CADPS2: variants seen among roughly 807,000 people sequenced by gnomAD.
CADPS2 encodes calcium dependent secretion activator 2.
A neutral mutation model predicts 172.5 loss-of-function variants in CADPS2; 93 were observed. The ratio of observed to expected loss-of-function variants is 0.54; its 90% CI spans 0.46 to 0.64. CADPS2 has a LOEUF of 0.64. Ranked by LOEUF, CADPS2 falls within the 30% of genes least tolerant of loss-of-function variation. The pLI is 0.00. For synonymous variants in CADPS2, 546 were observed against 555.2 expected, an observed-to-expected ratio of 0.98 and a Z score of 0.23; for missense variants, 1,420 against 1,565.9, an observed-to-expected ratio of 0.91 and a Z score of 1.57.
chr7:122,422,772 T>C lies in CADPS2; in HGVS notation c.2477-6608A>G, dbSNP rs534852143. On this transcript the variant is annotated intron_variant, in intron 17 of 29. Coordinates refer to ENST00000449022, the MANE Select transcript of CADPS2 (RefSeq NM_017954.11). ...GAGTTCGAGGCCAGCCTGGCCAACA[T>C]GGTGAAACCCCGTCTCTATTAAAAA... Among the ~76,000 whole-genome samples the C allele has an allele frequency of 4.4e-4, 64 of 146,728 alleles. 1 individual carries two copies. In the Admixed American group the frequency reaches 4.4e-3, roughly 10 times the overall value.
chr7:122,774,405 G>C (rs1274168053), intron 1 of CADPS2, among the ~76,000 whole-genome samples: 1 of 151,330 alleles, frequency 6.6e-6, no homozygotes, highest in East Asian at 1.9e-4. Flanking sequence ...TCTATAAATG[G>C]AACAACGTGT....
At chr7:122,577,754 C>T (rs924787013) in intron 7 of CADPS2, among the ~76,000 whole-genome samples, 2 of 152,042 alleles carry the variant, frequency 1.3e-5, no homozygotes, top group African/African-American at 4.8e-5. Context: ...TCCAAAGTGA[C>T]TACAATTTTG....
chr7:122,583,523 T>TACCTATAAAA (rs1587571351), intron 6 of CADPS2, among the ~76,000 whole-genome samples: 1 of 151,730 alleles, frequency 6.6e-6, no homozygotes, highest in East Asian at 1.9e-4. Flanking sequence ...AGTAGTCTTT[T>TACCTATAAAA]ATAGGTAAAA....
At chr7:122,492,896 T>C (rs148418627) in intron 9 of CADPS2, among the ~76,000 whole-genome samples, 2 of 152,234 alleles carry the variant, frequency 1.3e-5, no homozygotes, top group African/African-American at 2.4e-5. Flanking sequence ...AAAAGGTCTC[T>C]GTCTGTTACC....
At chr7:122,605,099 T>C (rs2073326973) in intron 6 of CADPS2, among the ~76,000 whole-genome samples, 3 of 151,982 alleles carry the variant, frequency 2.0e-5, no homozygotes, top group South Asian at 2.1e-4. Context: ...TATTTAAACA[T>C]AGAAAAGGTA....
intron 2 of CADPS2, among the ~76,000 whole-genome samples, chr7:122,712,475 A>G (rs1183230926): frequency 6.6e-6 from 1 of 152,156 alleles, no homozygotes; most frequent in Admixed American, 6.6e-5. Flanking sequence ...AAGTGCACAC[A>G]ATTTTAGGGC....
At chr7:122,456,115 T>G (rs892068180) in intron 14 of CADPS2, among the ~76,000 whole-genome samples, 1 of 152,212 alleles carries the variant, frequency 6.6e-6, no homozygotes, top group African/African-American at 2.4e-5. Flanking sequence ...AGTTAGTATG[T>G]ATTCACACTT....
intron 1 of CADPS2, among the ~76,000 whole-genome samples, chr7:122,847,299 C>T: frequency 6.6e-6 from 1 of 152,242 alleles, no homozygotes; most frequent in South Asian, 2.1e-4. Flanking sequence ...GTTGGCCAGG[C>T]TGGTCTAGAA....
chr7:122,872,573 G>T (rs1820042128), intron 1 of CADPS2, among the ~76,000 whole-genome samples: 1 of 152,082 alleles, frequency 6.6e-6, no homozygotes, highest in Middle Eastern at 3.4e-3. Flanking sequence ...GTAGGCTAAA[G>T]TTGTCTTGTT....
chr7:122,382,109 C>T (rs2043087197), intron 24 of CADPS2: 1 of 152,032 alleles, frequency 6.6e-6, no homozygotes, highest in Admixed American at 6.6e-5. Context: ...CATAGGTATA[C>T]AAAATTAGCT....
At chr7:122,572,260 CTT>C (rs1228428124) in intron 7 of CADPS2, among the ~76,000 whole-genome samples, 1 of 152,050 alleles carries the variant, frequency 6.6e-6, no homozygotes, top group African/African-American at 2.4e-5. Flanking sequence ...ATATAGGAGA[CTT>C]TTATATTTGT....
At chr7:122,697,675 C>A in intron 2 of CADPS2, 1 of 816,666 alleles carries the variant, frequency 1.2e-6, no homozygotes, top group Non-Finnish European at 1.9e-6. Context: ...TATAAAATTA[C>A]TGAAGTAACA....
chr7:122,708,382 T>G (rs974743582), intron 2 of CADPS2, among the ~76,000 whole-genome samples: 1 of 150,798 alleles, frequency 6.6e-6, no homozygotes, highest in Non-Finnish European at 1.5e-5. Flanking sequence ...GAGTATAGGA[T>G]AGTTAGAATA....
intron 8 of CADPS2, among the ~76,000 whole-genome samples, chr7:122,526,485 G>T (rs144882262): frequency 1.3e-5 from 2 of 151,984 alleles, no homozygotes; most frequent in African/African-American, 2.4e-5. Context: ...GAGCCATCCC[G>T]CCTGGTCTTC....
intron 7 of CADPS2, among the ~76,000 whole-genome samples, chr7:122,555,309 A>G (rs1351063367): frequency 6.6e-6 from 1 of 152,110 alleles, no homozygotes; most frequent in African/African-American, 2.4e-5. Context: ...ACAAGTGATT[A>G]TTTCACAACC....
chr7:122,553,944 T>C (rs1421675896), intron 8 of CADPS2, among the ~76,000 whole-genome samples: 1 of 152,094 alleles, frequency 6.6e-6, no homozygotes, highest in Non-Finnish European at 1.5e-5. Context: ...ACCTGTTTCA[T>C]CACCAGCTGC....
intron 1 of CADPS2, among the ~76,000 whole-genome samples, chr7:122,798,105 T>C (rs2139859911): frequency 6.6e-6 from 1 of 152,102 alleles, no homozygotes; most frequent in East Asian, 1.9e-4. Flanking sequence ...AGTTGTTGCA[T>C]TAAAAAAAAA....
intron 6 of CADPS2, among the ~76,000 whole-genome samples, chr7:122,611,382 C>T (rs2074272291): frequency 6.6e-6 from 1 of 151,804 alleles, no homozygotes; most frequent in Non-Finnish European, 1.5e-5. Flanking sequence ...TATTACTGAC[C>T]TTATAGAAAC....
At chr7:122,839,542 C>T (rs1809728813) in intron 1 of CADPS2, among the ~76,000 whole-genome samples, 1 of 152,032 alleles carries the variant, frequency 6.6e-6, no homozygotes, top group South Asian at 2.1e-4. Context: ...TGACAAAGGG[C>T]TAATATCCAG....
Sources: allele counts gnomAD v4.1 joint callset (sites outside exome capture counted in the v4.1 genomes callset), GRCh38; gene constraint gnomAD v4.1.1; transcripts MANE v1.5; gene names NCBI Gene and HGNC (gene_info 2026-07-23, HGNC 2026-07-21).